HDAC4: variants seen among roughly 807,000 people sequenced by gnomAD.
HDAC4 encodes histone deacetylase 4, also known as histone deacetylase A.
In HDAC4, 16 loss-of-function variants were observed where a neutral mutation model predicts 135.1. The ratio of observed to expected loss-of-function variants is 0.12; its 90% confidence interval spans 0.08 to 0.18. The LOEUF is 0.18. Among genes scored for constraint, HDAC4 ranks in the 10% least tolerant of loss-of-function variants. HDAC4 has a pLI of 1.00. For synonymous variants in HDAC4, 685 were observed against 653.4 expected (o/e 1.05, Z -0.74); for missense variants, 1,143 against 1,511.8 (o/e 0.76, Z 4.05).
intron 3 of HDAC4, among the ~76,000 whole-genome samples, chr2:239,210,258 G>A (rs908777721): frequency 8.5e-5 from 13 of 152,138 alleles, no homozygotes; most frequent in South Asian, 6.2e-4. Context: ...GAAAGTGAAC[G>A]AATCCCAGCC....
intron 11 of HDAC4, among the ~76,000 whole-genome samples, chr2:239,128,031 A>G (rs1343706478): frequency 6.6e-6 from 1 of 152,244 alleles, no homozygotes; most frequent in Non-Finnish European, 1.5e-5. Flanking sequence ...TAAACCCAGC[A>G]AGACCCCAGC....
intron 3 of HDAC4, among the ~76,000 whole-genome samples, chr2:239,192,162 C>T (rs1390655790): frequency 6.9e-6 from 1 of 144,670 alleles, no homozygotes; most frequent in African/African-American, 2.6e-5. Flanking sequence ...AGTAGGGGTC[C>T]GCCCACCCCC....
chr2:239,190,172 GGC>G, intron 3 of HDAC4, 95 bp from the exon 4 acceptor site: 1 of 1,436,036 alleles, frequency 7.0e-7, no homozygotes, highest in Non-Finnish European at 9.2e-7. Context: ...ACCTTCACGG[GGC>G]GGGGGGGGGG....
chr2:239,333,596 C>G (rs1691728845), intron 2 of HDAC4, among the ~76,000 whole-genome samples: 1 of 151,998 alleles, frequency 6.6e-6, no homozygotes, highest in Non-Finnish European at 1.5e-5. Flanking sequence ...ACTTAACATT[C>G]AAGTCAATCA....
chr2:239,197,604 C>T (rs2045477124), intron 3 of HDAC4, among the ~76,000 whole-genome samples: 1 of 152,182 alleles, frequency 6.6e-6, no homozygotes, highest in Admixed American at 6.5e-5. Flanking sequence ...TCCATCCTCC[C>T]TGTTTTCCTT....
rs563173596 is a variant in HDAC4 at position 239,107,485 on chromosome 2, T to C, written c.2112+565A>G. Among the ~76,000 whole-genome samples, 63 of 152,360 alleles carry C rather than the reference T, an allele frequency of 4.1e-4. 3 individuals are homozygous for C. In the South Asian group the frequency reaches 0.013, roughly 32 times the overall value. On this transcript the variant is annotated intron_variant, in intron 15 of 26. Transcript: ENST00000543185. ...CTGAATTCAAACCAGGCCAGGGCCC[T>C]GCCTGCAGCTCCATTCCCTTCACGA...
chr2:239,143,816 T>C lies in HDAC4; in HGVS notation c.865+767A>G, dbSNP rs1313506787. On this transcript the variant is annotated intron_variant, in intron 8 of 26. Transcript: ENST00000543185. Reference sequence around the variant, plus strand: ...TGTGCCTTTCACAGACCACCTACCATGAGCCTTGGCCTTCAAGTTGAACAC... The same window carrying C: ...TGTGCCTTTCACAGACCACCTACCACGAGCCTTGGCCTTCAAGTTGAACAC... Among the ~76,000 whole-genome samples the C allele has an allele frequency of 2.6e-5, 4 of 152,342 alleles. No individual in the cohort carries two copies. In the East Asian group the frequency reaches 7.7e-4, roughly 29 times the overall value.
chr2:239,207,462 C>T (rs1032820999), intron 3 of HDAC4, among the ~76,000 whole-genome samples: 71 of 151,950 alleles, frequency 4.7e-4, no homozygotes, highest in African/African-American at 1.6e-3. Context: ...CTCAAAAGAC[C>T]AATACAAGAC....
intron 1 of HDAC4, among the ~76,000 whole-genome samples, chr2:239,381,500 T>C (rs974192585): frequency 4.6e-5 from 7 of 152,324 alleles, no homozygotes; most frequent in Middle Eastern, 3.4e-3. Context: ...AAAGCTGGTT[T>C]CATTTCCTCA....
chr2:239,097,430 G>A (rs1274483737), intron 16 of HDAC4, among the ~76,000 whole-genome samples: 2 of 152,224 alleles, frequency 1.3e-5, no homozygotes, highest in African/African-American at 2.4e-5. Flanking sequence ...GCCTGGAGTC[G>A]TGGCTCCTGA....
chr2:239,178,212 C>T (rs1386818264), intron 4 of HDAC4, among the ~76,000 whole-genome samples: 6 of 152,198 alleles, frequency 3.9e-5, no homozygotes, highest in Non-Finnish European at 7.3e-5. Context: ...GCACGTGTCC[C>T]GGTCATGGTC....
intron 17 of HDAC4, chr2:239,094,388 C>A (rs1236805644): frequency 1.6e-6 from 1 of 622,562 alleles, no homozygotes; most frequent in African/African-American, 2.5e-5. Context: ...ACTTATGCGC[C>A]CAGGCCAGGT....
intron 1 of HDAC4, among the ~76,000 whole-genome samples, chr2:239,388,370 C>T (rs910225772): frequency 3.3e-5 from 5 of 152,238 alleles, no homozygotes; most frequent in African/African-American, 1.2e-4. Flanking sequence ...CACCACTTGC[C>T]CGCAGGGAGG....
intron 2 of HDAC4, among the ~76,000 whole-genome samples, chr2:239,265,137 C>G (rs2049643363): frequency 1.3e-5 from 2 of 152,172 alleles, no homozygotes; most frequent in Admixed American, 1.3e-4. Flanking sequence ...TGAACCCGCC[C>G]CAGGGGAGGA....
chr2:239,067,074 T>G (rs994235201), intron 23 of HDAC4: 2 of 628,006 alleles, frequency 3.2e-6, no homozygotes, highest in African/African-American at 3.7e-5. Flanking sequence ...ATGCTTTGAT[T>G]TTTAATCAGC....
chr2:239,388,526 A>T lies in HDAC4; in HGVS notation c.-220+12452T>A, dbSNP rs142631051. Among the ~76,000 whole-genome samples the T allele has an allele frequency of 2.8e-3, 432 of 152,296 alleles. 1 individual carries two copies. Among genetic ancestry groups the T allele is most frequent in the Middle Eastern group, 0.01 (3 of 294 alleles). On this transcript the variant is annotated intron_variant, in intron 1 of 26. Coordinates refer to ENST00000543185, the MANE Select transcript of HDAC4 (RefSeq NM_001378414.1). ...TGGAGCATCCTCAGATGACCAGCAG[A>T]GCCTTGGTCCTCTGGGTGACCTGGG...
At chr2:239,152,056 A>G (rs975174893) in intron 7 of HDAC4, among the ~76,000 whole-genome samples, 1 of 152,238 alleles carries the variant, frequency 6.6e-6, no homozygotes, top group African/African-American at 2.4e-5. Context: ...AAGAGTCATT[A>G]TAAAAAATAC....
intron 19 of HDAC4, among the ~76,000 whole-genome samples, chr2:239,085,396 G>A (rs941006230): frequency 6.6e-6 from 1 of 152,118 alleles, no homozygotes; most frequent in Non-Finnish European, 1.5e-5. Context: ...TAGTTGTTTT[G>A]TTTTCAGAAT....
chr2:239,345,962 C>T (rs572238820), intron 2 of HDAC4, among the ~76,000 whole-genome samples: 2 of 149,278 alleles, frequency 1.3e-5, no homozygotes, highest in Non-Finnish European at 3.0e-5. Flanking sequence ...CACACATACA[C>T]ACCGTCTGAA....
Sources: allele counts gnomAD v4.1 joint callset (sites outside exome capture counted in the v4.1 genomes callset), GRCh38; gene constraint gnomAD v4.1.1; transcripts MANE v1.5; gene names NCBI Gene and HGNC (gene_info 2026-07-23, HGNC 2026-07-21).